The following SOAT1 variants were observed in gnomAD, a reference collection of about 807,000 sequenced individuals.
SOAT1 encodes the protein acyl-coenzyme A:cholesterol acyltransferase 1.
SOAT1 carries 55 observed loss-of-function variants against 69.5 expected under a neutral mutation model. The observed-to-expected ratio is 0.79, with a 90% CI of 0.64 to 0.99. The LOEUF (loss-of-function observed/expected upper bound fraction) is 0.99, where lower values mean the gene tolerates loss of function less well. SOAT1 is among the 50% of genes least tolerant of loss of function. The pLI is 0.00. For synonymous variants in SOAT1, 231 were observed against 224.7 expected (o/e 1.03, Z -0.25); for missense variants, 580 against 669.3 (o/e 0.87, Z 1.47).
intron 2 of SOAT1, among the ~76,000 whole-genome samples, chr1:179,320,363 C>A (rs1665552597): frequency 6.6e-6 from 1 of 152,020 alleles, no homozygotes; most frequent in Admixed American, 6.6e-5. Flanking sequence ...ATGTTTATTT[C>A]TGGACTCTCA....
intron 2 of SOAT1, among the ~76,000 whole-genome samples, chr1:179,314,926 T>G (rs947192165): frequency 2.0e-5 from 3 of 152,172 alleles, no homozygotes; most frequent in African/African-American, 4.8e-5. Context: ...ATCAGAAATT[T>G]AAGGGAAAAA....
intron 10 of SOAT1, 47 bp downstream of exon 10, chr1:179,343,682 T>G (rs1488556707): frequency 7.6e-7 from 1 of 1,314,446 alleles, no homozygotes; most frequent in East Asian, 2.4e-5. Flanking sequence ...GGGATGGGGA[T>G]TCATATTTAT....
In SOAT1 at chr1:179,347,671, C is replaced by G. The variant is rs763111582; in HGVS notation, c.1189C>G (p.Arg397Gly). Residue 397 changes from arginine to glycine, a missense_variant, in exon 12 of 16, where the codon CGC (arginine) becomes GGC (glycine). Coordinates refer to ENST00000367619, the MANE Select transcript of SOAT1 (RefSeq NM_003101.6). Reference sequence around the variant, plus strand: ...GCTCAATGCCTTTGCTGAGATGTTACGCTTTGGTGACAGGATGTTCTATAA... The same window carrying G: ...GCTCAATGCCTTTGCTGAGATGTTAGGCTTTGGTGACAGGATGTTCTATAA... The part of the protein sequence containing the change: ...CWLNAFAEML[R>G]FGDRMFYKDW... 1.9e-6 allele frequency: 3 copies of G among 1,612,106 alleles called. No homozygotes were observed. In the South Asian group the frequency reaches 3.3e-5, roughly 18 times the overall value.
intron 15 of SOAT1, among the ~76,000 whole-genome samples, chr1:179,353,211 A>ATATATATATTTTTT (rs373748047): frequency 1.5e-5 from 1 of 64,522 alleles, no homozygotes; most frequent in Non-Finnish European, 3.2e-5. Flanking sequence ...ATATATAAAT[A>ATATATATATTTTTT]TATATATATA....
intron 2 of SOAT1, among the ~76,000 whole-genome samples, chr1:179,306,832 A>G (rs78620557): frequency 1.7e-3 from 177 of 107,188 alleles, no homozygotes; most frequent in Admixed American, 2.8e-3. Context: ...CTCCATCTCA[A>G]AAAAAAAAAA....
intron 2 of SOAT1, among the ~76,000 whole-genome samples, chr1:179,313,265 C>G (rs191084490): frequency 1.3e-5 from 2 of 152,108 alleles, no homozygotes; most frequent in Non-Finnish European, 2.9e-5. Flanking sequence ...CTGCCCATTA[C>G]GGAAAAAGCT....
At chr1:179,309,510 C>G (rs1189078582) in intron 2 of SOAT1, among the ~76,000 whole-genome samples, 1 of 152,186 alleles carries the variant, frequency 6.6e-6, no homozygotes, top group African/African-American at 2.4e-5. Context: ...TCACCACACT[C>G]TTGGCAATAA....
At chr1:179,312,358 GA>G (rs1193534719) in intron 2 of SOAT1, among the ~76,000 whole-genome samples, 1 of 152,180 alleles carries the variant, frequency 6.6e-6, no homozygotes, top group African/African-American at 2.4e-5. Context: ...AATAATGACA[GA>G]GGGTTAGTAA....
Position 179,341,123 on chromosome 1 carries a change from T to A in SOAT1, c.593T>A (p.Val198Asp). 1 of 1,614,080 alleles carries A rather than the reference T, an allele frequency of 6.2e-7. No individual in the cohort carries two copies. The highest frequency in any genetic ancestry group is 8.5e-7 in the Non-Finnish European group (1 of 1,179,948). ...WWIMFLSTFSVPYFLFQHWAT... is the reference protein window; with the variant it reads ...WWIMFLSTFSDPYFLFQHWAT... Reference sequence around the variant, plus strand: ...ATCATGTTCCTGTCTACATTTTCAGTTCCCTATTTTCTGTTTCAACATTGG... The same window carrying A: ...ATCATGTTCCTGTCTACATTTTCAGATCCCTATTTTCTGTTTCAACATTGG... The change falls in exon 7 of 16, where the codon GTT (valine) becomes GAT (aspartate). Residue 198 changes from valine (V) to aspartate (D), a missense_variant. Transcript: ENST00000367619.
chr1:179,339,828 A>G (rs573650379), intron 6 of SOAT1, among the ~76,000 whole-genome samples: 1 of 152,344 alleles, frequency 6.6e-6, no homozygotes, highest in South Asian at 2.1e-4. Flanking sequence ...TACGAACAGC[A>G]CGGGTTTGAA....
At chr1:179,327,407 G>T (rs1665829760) in intron 3 of SOAT1, among the ~76,000 whole-genome samples, 1 of 152,094 alleles carries the variant, frequency 6.6e-6, no homozygotes, top group Non-Finnish European at 1.5e-5. Flanking sequence ...GTCCCTTTTA[G>T]CTCTAAAGGT....
At chr1:179,328,926 A>G (rs770957530) in intron 3 of SOAT1, among the ~76,000 whole-genome samples, 1 of 151,724 alleles carries the variant, frequency 6.6e-6, no homozygotes, top group Non-Finnish European at 1.5e-5. Context: ...GTGCCCGAGT[A>G]GTACTGCTAC....
chr1:179,307,924 T>G (rs1665066914), intron 2 of SOAT1, among the ~76,000 whole-genome samples: 1 of 152,046 alleles, frequency 6.6e-6, no homozygotes, highest in African/African-American at 2.4e-5. Context: ...CCCAAGTAGC[T>G]GGGATTACAG....
intron 2 of SOAT1, among the ~76,000 whole-genome samples, chr1:179,309,093 T>A (rs577235658): frequency 3.9e-5 from 6 of 152,332 alleles, no homozygotes; most frequent in African/African-American, 1.4e-4. Context: ...TAGGATACAT[T>A]CTTTTTTTGA....
chr1:179,353,463 T>A (rs1666816771), intron 15 of SOAT1, 122 bp from the exon 16 acceptor site: 2 of 835,888 alleles, frequency 2.4e-6, no homozygotes, highest in Non-Finnish European at 4.1e-6. Context: ...TTGAGGGTTG[T>A]TGAAATGGTG....
At chr1:179,322,369 A>C (rs1226799206) in intron 2 of SOAT1, among the ~76,000 whole-genome samples, 1 of 150,570 alleles carries the variant, frequency 6.6e-6, no homozygotes, top group Non-Finnish European at 1.5e-5. Flanking sequence ...AAGTTTGACT[A>C]TTCTCCTTTT....
At chr1:179,316,890 A>G (rs1371490212) in intron 2 of SOAT1, among the ~76,000 whole-genome samples, 1 of 152,230 alleles carries the variant, frequency 6.6e-6, no homozygotes, top group Non-Finnish European at 1.5e-5. Flanking sequence ...GAAATGTCCA[A>G]TAGAAGATTA....
chr1:179,347,135 GAT>G (rs2125000285), intron 11 of SOAT1, among the ~76,000 whole-genome samples: 1 of 152,154 alleles, frequency 6.6e-6, no homozygotes. Flanking sequence ...GAGGTGGGCA[GAT>G]CACAAGGTCA....
intron 2 of SOAT1, among the ~76,000 whole-genome samples, chr1:179,322,004 C>T (rs939642297): frequency 6.6e-6 from 1 of 152,024 alleles, no homozygotes; most frequent in East Asian, 1.9e-4. Flanking sequence ...ACCTCAGCCT[C>T]CCAGGTAGCT....
Sources: allele counts gnomAD v4.1 joint callset (sites outside exome capture counted in the v4.1 genomes callset), GRCh38; gene constraint gnomAD v4.1.1; transcripts MANE v1.5; gene names NCBI Gene and HGNC (gene_info 2026-07-23, HGNC 2026-07-21).